TMPRSS2: variants seen among roughly 807,000 people sequenced by gnomAD.
The protein encoded by TMPRSS2 is transmembrane protease serine 2.
TMPRSS2 carries 59 observed loss-of-function variants against 67.4 expected under a neutral mutation model. The ratio of observed to expected loss-of-function variants is 0.88; its 90% CI spans 0.71 to 1.09. TMPRSS2 has a LOEUF of 1.09. Ranked by LOEUF, TMPRSS2 falls within the 50% of genes least tolerant of loss-of-function variation. The probability of loss-of-function intolerance (pLI) is 0.00; values close to 1 mark genes in which losing one functional copy is unlikely to be tolerated. For synonymous variants in TMPRSS2, 257 were observed against 257.0 expected (o/e 1.00, Z 0.00); for missense variants, 668 against 642.7 (o/e 1.04, Z -0.43).
rs534423780 is a variant in TMPRSS2 at position 41,483,471 on chromosome 21, G to A, written c.446-2869C>T. 2.9e-4 allele frequency among the ~76,000 whole-genome samples: 44 copies of A among 151,996 alleles called. 1 individual carries two copies. Among genetic ancestry groups the A allele is most frequent in the Admixed American group, 2.2e-3 (33 of 15,262 alleles). On this transcript the variant is annotated intron_variant, in intron 5 of 13. Transcript: ENST00000332149. ...CTAATTTTGTATTTTTAGTAGAGAC[G>A]GGGTTTCTCCATGTTGGTCAGGCTG...
intron 8 of TMPRSS2, 34 bp from the exon 9 acceptor site, chr21:41,473,530 G>C: frequency 6.3e-7 from 1 of 1,580,576 alleles, no homozygotes; most frequent in South Asian, 1.1e-5. Context: ...AGTGGGGTGA[G>C]ACCAGCAGAA....
chr21:41,480,475 C>T lies in TMPRSS2; in HGVS notation c.572+1G>A, dbSNP rs1246902146. 3 of 1,613,498 alleles carry T rather than the reference C, an allele frequency of 1.9e-6. No homozygotes were observed. The highest frequency in any genetic ancestry group is 2.5e-6 in the Non-Finnish European group (3 of 1,180,002). On this transcript the variant is annotated splice_donor_variant, in intron 6 of 13. Transcript: ENST00000332149. LOFTEE classifies it high-confidence loss of function. ...CTCGGCGGGTGCTGCCCCATACTCA[C>T]TTATAGCCCATGTCCCTGCAGGCCG...
intron 13 of TMPRSS2, among the ~76,000 whole-genome samples, chr21:41,466,370 C>T (rs913291954): frequency 2.6e-5 from 4 of 152,228 alleles, no homozygotes; most frequent in African/African-American, 4.8e-5. Context: ...ATGTGGAGGC[C>T]GGCACAACAG....
chr21:41,472,015 C>A, intron 9 of TMPRSS2, 34 bp from the exon 10 acceptor site: 2 of 1,547,222 alleles, frequency 1.3e-6, no homozygotes, highest in Non-Finnish European at 1.8e-6. Flanking sequence ...ATCTCAGAGC[C>A]ATAAACACAG....
rs573343651 is a variant in TMPRSS2, at chr21:41,468,833, A to C, written c.1172-295T>G. On this transcript the variant is annotated intron_variant, in intron 11 of 13. Coordinates refer to ENST00000332149, the MANE Select transcript of TMPRSS2 (RefSeq NM_005656.4). ...GTGCCATGGAATCCCCCTCTTATTC[A>C]CCCAACGGCTTGGTTCTGCTGAACC... The C allele has an allele frequency of 1.3e-4, 42 of 324,940 alleles. No homozygotes were observed. In the South Asian group the frequency reaches 2.3e-3, roughly 18 times the overall value. 20.1% of individuals were successfully genotyped at this position (324,940 alleles called of 1,614,324 possible). A position where few individuals can be genotyped will look rare whatever the true frequency, so the allele number is the denominator to read the frequency against.
chr21:41,493,636 A>C (rs149798653), intron 3 of TMPRSS2, among the ~76,000 whole-genome samples: 376 of 152,354 alleles, frequency 2.5e-3, no homozygotes, highest in African/African-American at 8.7e-3. Flanking sequence ...TGCGGGTTCC[A>C]CCTGGACAAT....
intron 8 of TMPRSS2, among the ~76,000 whole-genome samples, chr21:41,475,528 G>A (rs189592379): frequency 9.9e-4 from 29 of 29,258 alleles, no homozygotes; most frequent in Middle Eastern, 0.011. Context: ...GTGAGTGAGG[G>A]GGTGAAGGGT....
intron 2 of TMPRSS2, among the ~76,000 whole-genome samples, chr21:41,497,602 C>T (rs1004190941): frequency 1.3e-5 from 2 of 152,212 alleles, no homozygotes; most frequent in Non-Finnish European, 1.5e-5. Flanking sequence ...AAACTCTTTA[C>T]TAAATGCACT....
At position 41,464,982 on chromosome 21, in the gene TMPRSS2, C is replaced by G. The variant is rs899743904; in HGVS notation, c.*1160G>C. 27 of 233,220 alleles carry G rather than the reference C, an allele frequency of 1.2e-4. No individual in the cohort carries two copies. The highest frequency in any genetic ancestry group is 5.7e-4 in the African/African-American group (26 of 45,360). The allele number at this position is 233,220 out of a possible 1,614,324, so 14.4% of individuals were successfully genotyped here. A position where few individuals can be genotyped will look rare whatever the true frequency, so the allele number is the denominator to read the frequency against. ...GACCCTTCCCCTGGTTGGAAACCCA[C>G]AGCATTGGAAGGGACCACAGAGAGT... On this transcript the variant is annotated 3_prime_UTR_variant, in exon 14 of 14. Transcript: ENST00000332149.
chr21:41,483,044 T>G (rs1341218432), intron 5 of TMPRSS2, among the ~76,000 whole-genome samples: 1 of 152,154 alleles, frequency 6.6e-6, no homozygotes, highest in Non-Finnish European at 1.5e-5. Context: ...TATGCATTTG[T>G]CAAATCCCAC....
intron 6 of TMPRSS2, among the ~76,000 whole-genome samples, chr21:41,479,632 C>T (rs1200546712): frequency 7.4e-5 from 1 of 13,482 alleles, no homozygotes; most frequent in Non-Finnish European, 4.4e-4. Context: ...GGTTCCTGGA[C>T]TGTGATGGGG....
In TMPRSS2 at chr21:41,465,498, C is replaced by T. The variant is rs2091076321; in HGVS notation, c.*644G>A. On this transcript the variant is annotated 3_prime_UTR_variant, in exon 14 of 14. Coordinates refer to ENST00000332149, the MANE Select transcript of TMPRSS2 (RefSeq NM_005656.4). ...CACCAGGAGTGCTCAGGGCAAGTTC[C>T]TTTTCAATTGCTTCCCTCGCACCAA... 1 of 233,418 alleles carries T rather than the reference C, an allele frequency of 4.3e-6. No individual in the cohort carries two copies. The highest frequency in any genetic ancestry group is 8.5e-6 in the Non-Finnish European group (1 of 118,118). The allele number at this position is 233,418 out of a possible 1,614,324, so 14.5% of individuals were successfully genotyped here. A position where few individuals can be genotyped will look rare whatever the true frequency, so the allele number is the denominator to read the frequency against.
At chr21:41,488,334 C>A (rs1276924371) in intron 5 of TMPRSS2, 60 bp downstream of exon 5, 2 of 1,581,718 alleles carry the variant, frequency 1.3e-6, no homozygotes, top group Admixed American at 1.7e-5. Flanking sequence ...GGCCCCTGGA[C>A]CCGGCTGCTG....
intron 2 of TMPRSS2, among the ~76,000 whole-genome samples, chr21:41,497,486 C>T (rs2091392075): frequency 6.6e-6 from 1 of 152,184 alleles, no homozygotes; most frequent in Non-Finnish European, 1.5e-5. Context: ...AATTCCTGAG[C>T]AGTGGACTTG....
At position 41,470,668 on chromosome 21, in the gene TMPRSS2, C is replaced by T. The variant is rs1479410666; in HGVS notation, c.1151G>A (p.Trp384Ter). The T allele has an allele frequency of 1.2e-6, 2 of 1,613,558 alleles. No homozygotes were observed. Among genetic ancestry groups the T allele is most frequent in the South Asian group, 2.2e-5 (2 of 91,070 alleles). ...QPEQLCWISG[W>*]GATEEKGKTS... Reference sequence around the variant, plus strand: ...CTCACCTTTCTCCTCGGTGGCCCCCCACCCGGAAATCCAGCAGAGCTGTTC... The same window carrying T: ...CTCACCTTTCTCCTCGGTGGCCCCCTACCCGGAAATCCAGCAGAGCTGTTC... The change falls in exon 11 of 14, where the codon TGG (tryptophan) becomes TAG (stop). Residue 384 changes from tryptophan (W) to a stop codon, truncating the protein, a stop_gained. Transcript: ENST00000332149. LOFTEE classifies it high-confidence loss of function.
intron 8 of TMPRSS2, among the ~76,000 whole-genome samples, chr21:41,475,761 G>A (rs1390604033): frequency 3.3e-5 from 5 of 151,144 alleles, no homozygotes; most frequent in Admixed American, 3.3e-4. Flanking sequence ...GGTGAGTGAG[G>A]TCTGCTGCCT....
chr21:41,495,841 A>G (rs552635816), intron 2 of TMPRSS2, among the ~76,000 whole-genome samples: 11 of 152,136 alleles, frequency 7.2e-5, no homozygotes, highest in African/African-American at 2.6e-4. Context: ...AACCCACCCC[A>G]GGGCTTCTGC....
At chr21:41,489,630 G>T in intron 3 of TMPRSS2, 37 bp from the exon 4 acceptor site, 1 of 1,485,372 alleles carries the variant, frequency 6.7e-7, no homozygotes, top group Non-Finnish European at 9.4e-7. Context: ...TCAGACCAGA[G>T]TTGTTTAGAA....
intron 10 of TMPRSS2, among the ~76,000 whole-genome samples, 165 bp from the exon 11 acceptor site, chr21:41,470,908 C>T (rs2091128063): frequency 2.0e-5 from 3 of 152,204 alleles, no homozygotes. Flanking sequence ...TGCCAGACCT[C>T]TCCTTCTGGC....
Sources: gnomAD v4.1 joint callset for allele counts (sites outside exome capture counted in the v4.1 genomes callset) on GRCh38, gnomAD v4.1.1 for gene constraint, MANE v1.5 for transcripts, NCBI Gene and HGNC (gene_info 2026-07-23, HGNC 2026-07-21) for gene names.